MTHFD2L: variants seen among roughly 807,000 people sequenced by gnomAD.
MTHFD2L encodes methylenetetrahydrofolate dehydrogenase (NADP+ dependent) 2 like, also known as bifunctional methylenetetrahydrofolate dehydrogenase/cyclohydrolase 2, mitochondrial.
Under a neutral mutation model 34.9 loss-of-function variants are expected in MTHFD2L, and 29 were observed. The observed-to-expected ratio is 0.83, with a 90% CI of 0.62 to 1.13. The LOEUF (loss-of-function observed/expected upper bound fraction) is 1.13. MTHFD2L is among the 50% of genes most tolerant of loss of function. The pLI is 0.00. For missense variants in MTHFD2L, 481 were observed against 446.5 expected (o/e 1.08, Z -0.70); for synonymous variants, 167 against 155.7 (o/e 1.07, Z -0.54).
At chr4:74,134,136 C>A (rs372096023) in intron 1 of MTHFD2L, among the ~76,000 whole-genome samples, 16 of 152,292 alleles carry the variant, frequency 1.1e-4, no homozygotes, top group African/African-American at 3.6e-4. Context: ...AGGAGACCTG[C>A]CTTTGCCTTA....
chr4:74,188,828 G>A lies in MTHFD2L; in HGVS notation c.452-10966G>A, dbSNP rs191250853. Among the ~76,000 whole-genome samples the A allele has an allele frequency of 2.7e-4, 40 of 149,370 alleles. No homozygotes were observed. The East Asian group carries it at 5.3e-3, about 20-fold the overall frequency. ...TGTGTATACATATGTATATATATGG[G>A]TATATATATATCAAAACCTATCAAA... On this transcript the variant is annotated intron_variant, in intron 3 of 7. Coordinates refer to ENST00000325278, the MANE Select transcript of MTHFD2L (RefSeq NM_001144978.3).
At chr4:74,268,799 A>G (rs528426872) in intron 6 of MTHFD2L, among the ~76,000 whole-genome samples, 179 of 152,290 alleles carry the variant, frequency 1.2e-3, no homozygotes, top group Non-Finnish European at 1.9e-3. Context: ...GAGAATAAGG[A>G]TATAGCCTCC....
intron 3 of MTHFD2L, among the ~76,000 whole-genome samples, chr4:74,197,695 CCTTGAA>C (rs1279962338): frequency 6.6e-6 from 1 of 152,094 alleles, no homozygotes; most frequent in Non-Finnish European, 1.5e-5. Context: ...GACTCTAACT[CCTTGAA>C]CTTGTCTTTA....
intron 5 of MTHFD2L, among the ~76,000 whole-genome samples, chr4:74,221,887 T>C (rs1738260426): frequency 6.6e-6 from 1 of 151,880 alleles, no homozygotes. Flanking sequence ...TATAGTACTC[T>C]TAATTCTCTA....
rs1361675401 is a variant in MTHFD2L at position 74,252,705 on chromosome 4, T to C, written c.805+27311T>C. The stretch of plus-strand genomic sequence containing the variant: ...GTAATAAACTGAACTCATCCCAGAA[T>C]TCAGCACAGAGAAATAAGTATCTAG... On this transcript the variant is annotated intron_variant, in intron 6 of 7. Transcript: ENST00000325278. Among the ~76,000 whole-genome samples the C allele has an allele frequency of 2.6e-5, 4 of 152,054 alleles. No homozygotes were observed. In the East Asian group the frequency reaches 7.7e-4, roughly 29 times the overall value.
chr4:74,175,278 T>C lies in MTHFD2L; in HGVS notation c.329-3T>C. On this transcript the variant is annotated splice_region_variant and splice_polypyrimidine_tract_variant and intron_variant, in intron 2 of 7. Coordinates refer to ENST00000325278, the MANE Select transcript of MTHFD2L (RefSeq NM_001144978.3). ...TGACCTTCTCTACCTGTTTTTCTTC[T>C]AGGTATTTGTAGTGAGCTCATTCTA... The C allele has an allele frequency of 6.2e-7, 1 of 1,609,572 alleles. No individual in the cohort carries two copies. Among genetic ancestry groups the C allele is most frequent in the Non-Finnish European group, 8.5e-7 (1 of 1,178,342 alleles).
At chr4:74,282,255 G>T (rs915273087) in intron 7 of MTHFD2L, among the ~76,000 whole-genome samples, 2 of 152,002 alleles carry the variant, frequency 1.3e-5, no homozygotes, top group African/African-American at 4.8e-5. Context: ...CAGATTTTCA[G>T]TGTGCCTAGG....
intron 7 of MTHFD2L, among the ~76,000 whole-genome samples, chr4:74,297,052 C>T (rs1471086855): frequency 6.6e-6 from 1 of 152,088 alleles, no homozygotes; most frequent in African/African-American, 2.4e-5. Flanking sequence ...ACTGAACACA[C>T]ACCCTAACAT....
chr4:74,171,891 A>G (rs1728083111), intron 1 of MTHFD2L, among the ~76,000 whole-genome samples: 1 of 151,970 alleles, frequency 6.6e-6, no homozygotes, highest in Non-Finnish European at 1.5e-5. Flanking sequence ...TGTCATGATC[A>G]AAAACTGGAA....
chr4:74,207,586 G>A (rs1204967301), intron 5 of MTHFD2L, among the ~76,000 whole-genome samples: 1 of 152,068 alleles, frequency 6.6e-6, no homozygotes, highest in Non-Finnish European at 1.5e-5. Flanking sequence ...GGTGTTTTCC[G>A]AAGGCACTGC....
intron 7 of MTHFD2L, chr4:74,288,504 C>T (rs185415301): frequency 6.6e-6 from 1 of 152,186 alleles, no homozygotes; most frequent in Non-Finnish European, 1.5e-5. Flanking sequence ...AACTTGAAGA[C>T]TAATCTCTTA....
chr4:74,188,716 GTA>G (rs3051360), intron 3 of MTHFD2L, among the ~76,000 whole-genome samples: 90,006 of 102,542 alleles, frequency 0.88, 42,652 homozygotes, highest in Non-Finnish European at 0.98. Flanking sequence ...ATATATATGG[GTA>G]TATATATATG....
At chr4:74,295,672 T>A (rs1347487248) in intron 7 of MTHFD2L, among the ~76,000 whole-genome samples, 1 of 152,196 alleles carries the variant, frequency 6.6e-6, no homozygotes, top group Admixed American at 6.6e-5. Context: ...TGATATTTTC[T>A]ATGAGCCTCT....
At chr4:74,127,508 C>T (rs1722165731) in intron 1 of MTHFD2L, among the ~76,000 whole-genome samples, 1 of 152,132 alleles carries the variant, frequency 6.6e-6, no homozygotes, top group African/African-American at 2.4e-5. Flanking sequence ...ATATTTGTCT[C>T]TCTGTGCTTG....
In MTHFD2L at chr4:74,242,769, A is replaced by G. The variant is rs1261907; in HGVS notation, c.805+17375A>G. Among the ~76,000 whole-genome samples, 1,390 of 152,282 alleles carry G rather than the reference A, an allele frequency of 9.1e-3. 19 individuals are homozygous for G. Among genetic ancestry groups the G allele is most frequent in the African/African-American group, 0.032 (1,342 of 41,546 alleles). ...TTGAAAGAGTGGGCATCAGCCTTAG[A>G]TAGCTGTTGCTCAGGAATTTATAGT... On this transcript the variant is annotated intron_variant, in intron 6 of 7. Transcript: ENST00000325278.
chr4:74,270,998 G>T (rs575762367), intron 6 of MTHFD2L, among the ~76,000 whole-genome samples: 4 of 152,136 alleles, frequency 2.6e-5, no homozygotes, highest in African/African-American at 9.6e-5. Flanking sequence ...CATATCCTTC[G>T]CCCACTTGTT....
At chr4:74,130,730 T>A (rs751450404) in intron 1 of MTHFD2L, among the ~76,000 whole-genome samples, 1 of 152,192 alleles carries the variant, frequency 6.6e-6, no homozygotes, top group African/African-American at 2.4e-5. Flanking sequence ...TTGGAAGTTC[T>A]GGCCAGGGCA....
chr4:74,249,826 C>T (rs1190324195), intron 6 of MTHFD2L, among the ~76,000 whole-genome samples: 1 of 152,274 alleles, frequency 6.6e-6, no homozygotes, highest in East Asian at 1.9e-4. Flanking sequence ...TCTTCTGGCT[C>T]GTAGAGTTTC....
chr4:74,211,962 T>A (rs1489846492), intron 5 of MTHFD2L, among the ~76,000 whole-genome samples: 1 of 152,110 alleles, frequency 6.6e-6, no homozygotes, highest in Non-Finnish European at 1.5e-5. Context: ...GATTTTCTAG[T>A]TTATTTGTGT....
Sources: allele counts gnomAD v4.1 joint callset (sites outside exome capture counted in the v4.1 genomes callset), GRCh38; gene constraint gnomAD v4.1.1; transcripts MANE v1.5; gene names NCBI Gene and HGNC (gene_info 2026-07-23, HGNC 2026-07-21).